Variants in C12orf76 observed in about 807,000 individuals in gnomAD.
C12orf76 encodes chromosome 12 open reading frame 76.
C12orf76 carries 6 observed loss-of-function variants against 6.8 expected under a neutral mutation model. That is an observed-to-expected ratio of 0.88 (90% CI 0.48 to 1.73). The LOEUF is 1.73. Ranked by LOEUF, C12orf76 falls within the 40% of genes most tolerant of loss-of-function variation. The pLI is 0.01. For missense variants in C12orf76, 99 were observed against 98.2 expected (o/e 1.01, Z -0.03); for synonymous variants, 56 against 43.7 (o/e 1.28, Z -1.11).
chr12:110,068,274 GAA>G (rs1566080138), upstream of C12orf76, among the ~76,000 whole-genome samples: 19 of 133,666 alleles, frequency 1.4e-4, no homozygotes, highest in African/African-American at 5.1e-4. Flanking sequence ...AGAAGAAGAA[GAA>G]GAAGAAGAAG....
upstream of C12orf76, among the ~76,000 whole-genome samples, chr12:110,054,218 A>G (rs1020230582): frequency 2.6e-5 from 4 of 152,274 alleles, no homozygotes; most frequent in Admixed American, 1.3e-4. This position sits in a 1 kb window ranked among gnomAD's most constrained non-coding sequence, Gnocchi z 4.4. Context: ...TAAAGTTTAG[A>G]GAAATCCAAA....
chr12:110,066,602 C>A (rs1196356044), intron 1 of C12orf76, among the ~76,000 whole-genome samples: 1 of 151,926 alleles, frequency 6.6e-6, no homozygotes, highest in Non-Finnish European at 1.5e-5. Flanking sequence ...GCAAGAGAAT[C>A]GCTTGAACCC....
At position 110,047,425 on chromosome 12, in the gene C12orf76, A is replaced by G. The variant is rs373432135; in HGVS notation, c.133+938T>C. 3.5e-4 allele frequency among the ~76,000 whole-genome samples: 54 copies of G among 152,286 alleles called. No individual in the cohort carries two copies. The South Asian group carries it at 0.011, about 31-fold the overall frequency. ...GCTGCAACATCAGGTGCGGTGGCTC[A>G]CACTTGTAATCCCAACACTTTGGGA... On this transcript the variant is annotated intron_variant, in intron 1 of 1. Transcript: ENST00000615315.
intron 1 of C12orf76, among the ~76,000 whole-genome samples, chr12:110,072,903 A>T (rs1454670164): frequency 1.3e-5 from 2 of 151,276 alleles, no homozygotes; most frequent in African/African-American, 4.9e-5. Flanking sequence ...AGCCAAGATC[A>T]CACTGTCACA....
chr12:110,042,208 A>G lies in C12orf76; in HGVS notation c.*166T>C. On this transcript the variant is annotated 3_prime_UTR_variant, in exon 2 of 2. Transcript: ENST00000615315. ...TATTTGCGCTACAGTGTTAGGAAAA[A>G]ATAATGTCTAGTACATGTTTTCTTC... 1.6e-6 allele frequency: 1 copy of G among 610,362 alleles called. No individual in the cohort carries two copies. Among genetic ancestry groups the G allele is most frequent in the East Asian group, 2.8e-5 (1 of 36,220 alleles). 37.8% of individuals were successfully genotyped at this position (610,362 alleles called of 1,614,324 possible).
chr12:110,042,295 G>T lies in C12orf76; in HGVS notation c.*79C>A. On this transcript the variant is annotated 3_prime_UTR_variant, in exon 2 of 2. Transcript: ENST00000615315. ...GGTCATTTCCAAGTAGGAAAGTTTTGGTTCCAACTTCTCCACTGGCCTGTG... is the reference window on the plus strand; with the variant it reads ...GGTCATTTCCAAGTAGGAAAGTTTTTGTTCCAACTTCTCCACTGGCCTGTG... 1 of 1,159,348 alleles carries T rather than the reference G, an allele frequency of 8.6e-7. No homozygotes were observed. Among genetic ancestry groups the T allele is most frequent in the Non-Finnish European group, 1.3e-6 (1 of 771,570 alleles). 71.8% of individuals were successfully genotyped at this position (1,159,348 alleles called of 1,614,324 possible). A position where few individuals can be genotyped will look rare whatever the true frequency, so the allele number is the denominator to read the frequency against.
At chr12:110,064,392 G>A (rs774973332) in intron 2 of C12orf76, among the ~76,000 whole-genome samples, 13 of 152,242 alleles carry the variant, frequency 8.5e-5, no homozygotes, top group African/African-American at 1.2e-4. Context: ...ACATGTGGCC[G>A]TTCAGGTCAT....
intron 1 of C12orf76, among the ~76,000 whole-genome samples, chr12:110,047,113 G>T (rs1259522117): frequency 6.6e-6 from 1 of 152,152 alleles, no homozygotes; most frequent in Admixed American, 6.6e-5. Flanking sequence ...CCACTTTGTA[G>T]ATATACAGAT....
chr12:110,070,168 G>A (rs544416045), upstream of C12orf76, among the ~76,000 whole-genome samples: 3 of 151,392 alleles, frequency 2.0e-5, no homozygotes, highest in Admixed American at 2.0e-4. Context: ...AACCTGGGAA[G>A]CAGAGCTTGC....
chr12:110,043,932 G>A (rs2137213040), intron 1 of C12orf76, among the ~76,000 whole-genome samples: 1 of 151,812 alleles, frequency 6.6e-6, no homozygotes, highest in South Asian at 2.1e-4. Flanking sequence ...AAGGTGCTCA[G>A]GTGAGAAATG....
chr12:110,053,690 TG>T (rs1434816685), upstream of C12orf76, among the ~76,000 whole-genome samples: 6 of 152,214 alleles, frequency 3.9e-5, no homozygotes, highest in African/African-American at 1.4e-4. Flanking sequence ...GCTGGAGTTA[TG>T]GGCAAGAATG....
chr12:110,046,977 C>G (rs948688132), intron 1 of C12orf76, among the ~76,000 whole-genome samples: 1 of 152,104 alleles, frequency 6.6e-6, no homozygotes, highest in Non-Finnish European at 1.5e-5. Flanking sequence ...AAACCCTGTT[C>G]TGAAGGATCG....
chr12:110,057,986 C>T (rs1382120813), intron 3 of C12orf76, among the ~76,000 whole-genome samples: 1 of 148,936 alleles, frequency 6.7e-6, no homozygotes, highest in Non-Finnish European at 1.5e-5. Flanking sequence ...ATCATTTGAA[C>T]CCATGAGGCG....
At chr12:110,058,992 AC>A (rs1892723314) in exon 3 of C12orf76, 1 of 1,544,286 alleles carries the variant, frequency 6.5e-7, no homozygotes. Context: ...TATTACCTCC[AC>A]CTAATAGCCG....
At chr12:110,070,115 G>A (rs1892943799), upstream of C12orf76, among the ~76,000 whole-genome samples, 1 of 151,614 alleles carries the variant, frequency 6.6e-6, no homozygotes, top group South Asian at 2.1e-4. Context: ...GCTGGGCGTG[G>A]TGGTTCCAGC....
intron 2 of C12orf76, among the ~76,000 whole-genome samples, chr12:110,064,270 A>G (rs1892824482): frequency 6.6e-6 from 1 of 152,190 alleles, no homozygotes; most frequent in African/African-American, 2.4e-5. Flanking sequence ...TGCCTGGGGC[A>G]TATTTTTGGA....
chr12:110,042,474 C>A lies in C12orf76; in HGVS notation c.134-15G>T, dbSNP rs1438702925. On this transcript the variant is annotated splice_polypyrimidine_tract_variant and intron_variant, in intron 1 of 1. Transcript: ENST00000615315. ...TCCCATCAACACTGCAAAGGGAAAA[C>A]AGGTTACTTCCTAATGGCAGCTCCA... The A allele has an allele frequency of 1.3e-6, 2 of 1,559,536 alleles. No homozygotes were observed. The highest frequency in any genetic ancestry group is 1.8e-6 in the Non-Finnish European group (2 of 1,130,360).
At chr12:110,052,929 G>A (rs988806089), upstream of C12orf76, among the ~76,000 whole-genome samples, 18 of 152,294 alleles carry the variant, frequency 1.2e-4, no homozygotes, top group East Asian at 3.9e-4. Flanking sequence ...ATGGCTGGGC[G>A]CAGTGGCTCA....
intron 2 of C12orf76, among the ~76,000 whole-genome samples, chr12:110,060,740 A>G (rs1454765058): frequency 6.6e-6 from 1 of 152,164 alleles, no homozygotes; most frequent in Non-Finnish European, 1.5e-5. Context: ...GGTGATATAG[A>G]AACCTACATC....
Sources: gnomAD v4.1 joint callset for allele counts (sites outside exome capture counted in the v4.1 genomes callset) on GRCh38, gnomAD v4.1.1 for gene constraint, Gnocchi (gnomAD v3.1) non-coding constraint, MANE v1.5 for transcripts, NCBI Gene and HGNC (gene_info 2026-07-23, HGNC 2026-07-21) for gene names.